TMEM272: variants seen among roughly 807,000 people sequenced by gnomAD.
TMEM272 encodes the protein transmembrane protein 272.
In TMEM272, 8 loss-of-function variants were observed where a neutral mutation model predicts 3.7. The ratio of observed to expected loss-of-function variants is 2.17; its 90% CI spans 1.27 to 3.91. The LOEUF (loss-of-function observed/expected upper bound fraction) is 3.91, where lower values mean the gene tolerates loss of function less well. Ranked by LOEUF, TMEM272 falls within the 30% of genes most tolerant of loss-of-function variation. TMEM272 has a pLI of 0.00. For synonymous variants in TMEM272, 63 were observed against 39.8 expected (o/e 1.58, Z -2.20); for missense variants, 166 against 91.5 (o/e 1.81, Z -3.32).
the TMEM272 span, among the ~76,000 whole-genome samples, chr13:51,899,094 A>G: frequency 4.6e-5 from 7 of 152,238 alleles, no homozygotes; most frequent in Non-Finnish European, 7.3e-5. Flanking sequence ...CTATTCACAG[A>G]TGATATGATC....
the TMEM272 span, chr13:51,932,859 A>C: frequency 1.3e-5 from 2 of 152,234 alleles, no homozygotes; most frequent in Non-Finnish European, 2.9e-5. Flanking sequence ...AAAAATCAAC[A>C]GAATTAGATT....
chr13:51,929,126 G>A, the TMEM272 span, among the ~76,000 whole-genome samples: 1 of 152,184 alleles, frequency 6.6e-6, no homozygotes, highest in Non-Finnish European at 1.5e-5. Flanking sequence ...GAACCTGGGA[G>A]GCGGAGGTTG....
the TMEM272 span, among the ~76,000 whole-genome samples, chr13:51,926,672 C>T: frequency 2.0e-5 from 3 of 149,714 alleles, no homozygotes; most frequent in East Asian, 3.9e-4. Flanking sequence ...TGCATGTGCG[C>T]GCACGCACAC....
chr13:51,876,119 TC>T, the TMEM272 span, among the ~76,000 whole-genome samples: 1 of 152,166 alleles, frequency 6.6e-6, no homozygotes, highest in Non-Finnish European at 1.5e-5. Context: ...CTGGGGGTGT[TC>T]CCCCCAAAAA....
chr13:51,857,365 G>C, the TMEM272 span, among the ~76,000 whole-genome samples: 1 of 151,976 alleles, frequency 6.6e-6, no homozygotes, highest in African/African-American at 2.4e-5. Context: ...CAGAAGCACA[G>C]AGATGCAGGA....
chr13:51,908,326 A>C, the TMEM272 span: 1 of 1,394,134 alleles, frequency 7.2e-7, no homozygotes, highest in African/African-American at 1.5e-5. Flanking sequence ...TGGGGGCAAA[A>C]TCCAGGTCTT....
chr13:51,912,565 C>T, the TMEM272 span, among the ~76,000 whole-genome samples: 1 of 152,220 alleles, frequency 6.6e-6, no homozygotes, highest in African/African-American at 2.4e-5. Flanking sequence ...TTTCACTAAA[C>T]TTCCTCCCTA....
chr13:51,878,295 T>C, the TMEM272 span, among the ~76,000 whole-genome samples: 2 of 152,060 alleles, frequency 1.3e-5, no homozygotes, highest in African/African-American at 4.8e-5. Flanking sequence ...CCAGGCGTCG[T>C]GGCAGGCACC....
At chr13:51,916,511 G>A in the TMEM272 span, among the ~76,000 whole-genome samples, 4 of 152,196 alleles carry the variant, frequency 2.6e-5, no homozygotes, top group Admixed American at 6.5e-5. Flanking sequence ...TATTGAAAAC[G>A]TCTTATTTTA....
At chr13:51,926,093 T>G in the TMEM272 span, among the ~76,000 whole-genome samples, 2 of 151,442 alleles carry the variant, frequency 1.3e-5, no homozygotes, top group African/African-American at 2.4e-5. Flanking sequence ...GTGTGTGGTA[T>G]GTGGTGTGTG....
the TMEM272 span, among the ~76,000 whole-genome samples, chr13:51,852,255 AT>A: frequency 6.6e-6 from 1 of 152,060 alleles, no homozygotes; most frequent in Non-Finnish European, 1.5e-5. Flanking sequence ...ATGGTTGAAA[AT>A]TTTTTTCATA....
At chr13:51,868,194 G>A in the TMEM272 span, among the ~76,000 whole-genome samples, 1 of 152,162 alleles carries the variant, frequency 6.6e-6, no homozygotes, top group Non-Finnish European at 1.5e-5. Context: ...CCAACACTAT[G>A]CTATGTTTGG....
At chr13:51,880,058 AG>A in the TMEM272 span, among the ~76,000 whole-genome samples, 6 of 152,196 alleles carry the variant, frequency 3.9e-5, no homozygotes, top group East Asian at 1.2e-3. Flanking sequence ...ATGGGGCTGA[AG>A]GGTGGAATAG....
At chr13:51,864,161 TTTTA>T in the TMEM272 span, among the ~76,000 whole-genome samples, 1 of 150,910 alleles carries the variant, frequency 6.6e-6, no homozygotes, top group Non-Finnish European at 1.5e-5. Context: ...TCCTCCCAGC[TTTTA>T]TTTTATTGTG....
chr13:51,924,442 G>C, the TMEM272 span, among the ~76,000 whole-genome samples: 4,155 of 152,226 alleles, frequency 0.027, 75 homozygotes, highest in Non-Finnish European at 0.046. Flanking sequence ...TCCCAGGAGA[G>C]GGGGTGCTGG....
the TMEM272 span, among the ~76,000 whole-genome samples, chr13:51,882,262 A>G: frequency 1.3e-5 from 2 of 152,338 alleles, no homozygotes; most frequent in Admixed American, 1.3e-4. Context: ...TACATTGTTA[A>G]CTGTGCTTAA....
chr13:51,857,188 C>T, the TMEM272 span, among the ~76,000 whole-genome samples: 1 of 151,082 alleles, frequency 6.6e-6, no homozygotes, highest in Non-Finnish European at 1.5e-5. Flanking sequence ...TTTGTTTACA[C>T]AGCAGTGGAA....
the TMEM272 span, chr13:51,908,722 G>A: frequency 1.4e-6 from 2 of 1,473,104 alleles, no homozygotes; most frequent in African/African-American, 1.4e-5. Flanking sequence ...AGTTCTGCTA[G>A]TCCAGAGCGT....
At chr13:51,909,984 C>T in the TMEM272 span, 1 of 1,571,498 alleles carries the variant, frequency 6.4e-7, no homozygotes, top group Non-Finnish European at 8.7e-7. Context: ...ACAATTTTCA[C>T]TCGAAGCATC....
Sources: gnomAD v4.1 joint callset for allele counts (sites outside exome capture counted in the v4.1 genomes callset) on GRCh38, gnomAD v4.1.1 for gene constraint, MANE v1.5 for transcripts, NCBI Gene and HGNC (gene_info 2026-07-23, HGNC 2026-07-21) for gene names.